Variants in CALN1 observed in about 807,000 individuals in gnomAD.
CALN1 encodes calneuron 1, also known as calcium-binding protein 8.
Under a neutral mutation model 30.6 loss-of-function variants are expected in CALN1, and 17 were observed. That is an observed-to-expected ratio of 0.56 (90% CI 0.38 to 0.83). CALN1 has a LOEUF of 0.83. Ranked by LOEUF, CALN1 falls within the 40% of genes least tolerant of loss-of-function variation. CALN1 has a pLI of 0.00. For missense variants in CALN1, 291 were observed against 354.9 expected, an observed-to-expected ratio of 0.82 and a Z score of 1.45; for synonymous variants, 156 against 131.4, an observed-to-expected ratio of 1.19 and a Z score of -1.28.
intron 4 of CALN1, among the ~76,000 whole-genome samples, chr7:72,054,463 AT>A (rs1803081265): frequency 7.6e-6 from 1 of 132,238 alleles, no homozygotes; most frequent in African/African-American, 2.7e-5. Context: ...ATATACATAT[AT>A]ATACATATAT....
chr7:72,388,099 G>A (rs751591426), intron 2 of CALN1, among the ~76,000 whole-genome samples: 1 of 152,154 alleles, frequency 6.6e-6, no homozygotes, highest in Non-Finnish European at 1.5e-5. Context: ...CAACCTAGTA[G>A]AAGAAAGGAC....
At chr7:71,919,662 A>G (rs952283658) in intron 5 of CALN1, among the ~76,000 whole-genome samples, 2 of 152,210 alleles carry the variant, frequency 1.3e-5, no homozygotes, top group African/African-American at 2.4e-5. Flanking sequence ...TTAGTAAAAG[A>G]AGAACAAAAG....
chr7:72,010,823 GAAAAGAAAAGAAAAAGA>G, intron 5 of CALN1, among the ~76,000 whole-genome samples: 1 of 147,408 alleles, frequency 6.8e-6, no homozygotes, highest in Admixed American at 6.8e-5. Context: ...AAAAAGAAAA[GAAAAGAAAAGAAAAAGA>G]AAAAGAAAAG....
chr7:71,982,448 G>T (rs797019045), intron 5 of CALN1, among the ~76,000 whole-genome samples: 2 of 152,202 alleles, frequency 1.3e-5, no homozygotes, highest in African/African-American at 4.8e-5. Context: ...TATAAAATTA[G>T]CTGGGCATGG....
intron 2 of CALN1, among the ~76,000 whole-genome samples, chr7:72,285,910 T>A (rs766522453): frequency 6.6e-6 from 1 of 152,156 alleles, no homozygotes; most frequent in Admixed American, 6.5e-5. Context: ...AGGGGCAATA[T>A]TGATCTTGCA....
chr7:72,034,410 G>C (rs940316042), intron 4 of CALN1, among the ~76,000 whole-genome samples: 2 of 151,618 alleles, frequency 1.3e-5, no homozygotes, highest in Non-Finnish European at 2.9e-5. Context: ...AAGTCAGGAG[G>C]AGGACGTACT....
At chr7:71,972,320 T>C (rs1345970673) in intron 5 of CALN1, among the ~76,000 whole-genome samples, 2 of 152,184 alleles carry the variant, frequency 1.3e-5, no homozygotes, top group Non-Finnish European at 2.9e-5. Flanking sequence ...AGAAACTTCG[T>C]GTATATCTGA....
intron 4 of CALN1, among the ~76,000 whole-genome samples, chr7:72,059,364 C>T (rs1369706359): frequency 6.6e-6 from 1 of 152,110 alleles, no homozygotes; most frequent in Non-Finnish European, 1.5e-5. Context: ...TCTTCAATAA[C>T]CCATGTCAAG....
At chr7:72,340,667 G>A (rs998617160) in intron 2 of CALN1, among the ~76,000 whole-genome samples, 2 of 152,108 alleles carry the variant, frequency 1.3e-5, no homozygotes, top group Admixed American at 6.5e-5. Flanking sequence ...TATGTACCTA[G>A]TTCAGAGATG....
intron 3 of CALN1, among the ~76,000 whole-genome samples, chr7:72,118,369 C>T (rs954845531): frequency 1.3e-5 from 2 of 152,142 alleles, no homozygotes; most frequent in Non-Finnish European, 1.5e-5. Context: ...ATTTTGGTAA[C>T]TTTATGAGGT....
At chr7:71,996,035 C>A (rs1159735359) in intron 5 of CALN1, among the ~76,000 whole-genome samples, 2 of 152,154 alleles carry the variant, frequency 1.3e-5, no homozygotes, top group East Asian at 3.9e-4. Flanking sequence ...GGAGGAACCA[C>A]TGGGACCCCA....
At chr7:72,203,436 T>C (rs573760421) in intron 3 of CALN1, among the ~76,000 whole-genome samples, 14 of 151,992 alleles carry the variant, frequency 9.2e-5, no homozygotes, top group Non-Finnish European at 1.9e-4. Flanking sequence ...CCTTGAAAAA[T>C]TTAGTTCCCA....
chr7:71,823,403 C>T (rs188808637), intron 5 of CALN1, among the ~76,000 whole-genome samples: 17 of 152,220 alleles, frequency 1.1e-4, no homozygotes, highest in Admixed American at 7.9e-4. Context: ...AAGACATACC[C>T]GACCCTGGGT....
rs1023646751 is a variant in CALN1, at chr7:71,873,434, T to C, written c.502-62942A>G. The stretch of plus-strand genomic sequence containing the variant: ...AGTTATTGCTATTTCCCTTTATAAA[T>C]TGGACCACGAAAATAAAAGGTTTGA... On this transcript the variant is annotated intron_variant, in intron 5 of 6. Transcript: ENST00000395275. Among the ~76,000 whole-genome samples the C allele has an allele frequency of 4.6e-5, 7 of 152,180 alleles. No homozygotes were observed. In the East Asian group the frequency reaches 7.7e-4, roughly 17 times the overall value.
At chr7:72,470,861 T>A in the CALN1 span, among the ~76,000 whole-genome samples, 1 of 152,100 alleles carries the variant, frequency 6.6e-6, no homozygotes. Context: ...AAGGGAGAAA[T>A]TCCCCGACAT....
intron 3 of CALN1, among the ~76,000 whole-genome samples, chr7:72,270,863 A>C (rs999593828): frequency 6.6e-6 from 1 of 152,236 alleles, no homozygotes; most frequent in Non-Finnish European, 1.5e-5. Context: ...TATCGAACTG[A>C]ACTGACATGT....
chr7:72,354,210 A>G (rs1562916286), intron 2 of CALN1, among the ~76,000 whole-genome samples: 1 of 152,310 alleles, frequency 6.6e-6, no homozygotes, highest in East Asian at 1.9e-4. Context: ...ATTCACAATA[A>G]TATCAAAACC....
intron 2 of CALN1, among the ~76,000 whole-genome samples, chr7:72,301,587 G>A (rs533040598): frequency 1.9e-4 from 24 of 125,450 alleles, no homozygotes; most frequent in African/African-American, 7.4e-4. Flanking sequence ...CAGCCTGGGC[G>A]ACAGAGCAAA....
intron 2 of CALN1, among the ~76,000 whole-genome samples, chr7:72,383,840 C>T (rs1805052660): frequency 6.6e-6 from 1 of 152,172 alleles, no homozygotes; most frequent in South Asian, 2.1e-4. Flanking sequence ...CCATTAGCAT[C>T]ACAATAATCC....
Sources: allele counts gnomAD v4.1 joint callset (sites outside exome capture counted in the v4.1 genomes callset), GRCh38; gene constraint gnomAD v4.1.1; transcripts MANE v1.5; gene names NCBI Gene and HGNC (gene_info 2026-07-23, HGNC 2026-07-21).